BORCS7: variants seen among roughly 807,000 people sequenced by gnomAD.
BORCS7 encodes BLOC-1 related complex subunit 7, also known as BLOC-1-related complex subunit 7.
In BORCS7, 20 loss-of-function variants were observed where a neutral mutation model predicts 17.5. That is an observed-to-expected ratio of 1.14 (90% CI 0.80 to 1.66). BORCS7 has a LOEUF of 1.66. BORCS7 is among the 40% of genes most tolerant of loss of function. The pLI, the probability that BORCS7 is intolerant of heterozygous loss-of-function variation, is 0.00. For missense variants in BORCS7, 122 were observed against 129.7 expected (o/e 0.94, Z 0.29); for synonymous variants, 57 against 49.8 (o/e 1.14, Z -0.61).
intron 3 of BORCS7, chr10:102,860,825 A>G (rs1844506588): frequency 1.8e-6 from 1 of 544,142 alleles, no homozygotes; most frequent in Non-Finnish European, 3.3e-6. Context: ...GGCCCGTGCC[A>G]GGACCATGCT....
chr10:102,861,717 CA>C (rs58320339), intron 3 of BORCS7, among the ~76,000 whole-genome samples: 52,855 of 144,052 alleles, frequency 0.37, 9,379 homozygotes, highest in East Asian at 0.52. Flanking sequence ...GACTCTGTCT[CA>C]AAAAAAAAAC....
intron 4 of BORCS7, 24 bp from the exon 5 acceptor site, chr10:102,862,849 C>T (rs758844488): frequency 1.3e-6 from 2 of 1,590,794 alleles, no homozygotes; most frequent in Non-Finnish European, 1.7e-6. Context: ...TTCAGATAAA[C>T]CCTGTCTCTA....
intron 1 of BORCS7, among the ~76,000 whole-genome samples, chr10:102,855,907 G>A (rs1450443660): frequency 1.3e-5 from 2 of 152,008 alleles, no homozygotes; most frequent in African/African-American, 4.8e-5. Context: ...GATTATAGGC[G>A]CCTGCCACCA....
At chr10:102,860,302 GATT>G in intron 1 of BORCS7, 27 bp from the exon 2 acceptor site, 1 of 1,604,206 alleles carries the variant, frequency 6.2e-7, no homozygotes, top group Middle Eastern at 1.7e-4. Flanking sequence ...TGGGAATTTT[GATT>G]ATTACCATTT....
In BORCS7 at chr10:102,862,994, C is replaced by G; in HGVS notation, c.*70C>G. ...GGAGTAAATACCTTACACAGCTGTCCTCTGGGTTTGGTTTTCTATTTTCTT... is the reference window on the plus strand; with the variant it reads ...GGAGTAAATACCTTACACAGCTGTCGTCTGGGTTTGGTTTTCTATTTTCTT... On this transcript the variant is annotated 3_prime_UTR_variant, in exon 5 of 5. Coordinates refer to ENST00000339834, the MANE Select transcript of BORCS7 (RefSeq NM_001136200.2). 1 of 1,357,096 alleles carries G rather than the reference C, an allele frequency of 7.4e-7. No homozygotes were observed. Among genetic ancestry groups the G allele is most frequent in the Non-Finnish European group, 1.1e-6 (1 of 950,476 alleles). The allele number at this position is 1,357,096 out of a possible 1,614,324, so 84.1% of individuals were successfully genotyped here. A position where few individuals can be genotyped will look rare whatever the true frequency, so the allele number is the denominator to read the frequency against.
rs779459540 is a variant in BORCS7 at position 102,862,918 on chromosome 10, G to A, written c.315G>A (p.Leu105=). 9 of 1,608,638 alleles carry A rather than the reference G, an allele frequency of 5.6e-6. No individual in the cohort carries two copies. The highest frequency in any genetic ancestry group is 7.7e-6 in the Non-Finnish European group (9 of 1,174,960). ...SDLQDQLNHL[L]K ...TACAGGACCAGTTGAATCATCTGTT[G>A]AAATAGAATGACATGTAAGAGTGCT... The change falls in exon 5 of 5, where the codon TTG becomes TTA. Residue 105 remains leucine (L), a synonymous_variant. Coordinates refer to ENST00000339834, the MANE Select transcript of BORCS7 (RefSeq NM_001136200.2).
intron 1 of BORCS7, among the ~76,000 whole-genome samples, chr10:102,855,195 T>G (rs1371881066): frequency 6.7e-6 from 1 of 148,710 alleles, no homozygotes; most frequent in Non-Finnish European, 1.5e-5. Context: ...AGTCTAGCTC[T>G]GTCGCCAGGC....
At position 102,854,291 on chromosome 10, in the gene BORCS7, T is replaced by C. The variant is rs1213963865; in HGVS notation, c.5T>C (p.Met2Thr). Residue 2 changes from methionine to threonine, a missense_variant, in exon 1 of 5, where the codon ATG (methionine) becomes ACG (threonine). By Grantham distance (81) the Met-to-Thr change is moderately conservative. Coordinates refer to ENST00000339834, the MANE Select transcript of BORCS7 (RefSeq NM_001136200.2). M[M>T]ATGTPESQAR... ...CGCAACCGTTCGCTAACTGAAATGA[T>C]GGCGACTGGAACGCCAGAGTCTCAA... 2 of 1,606,150 alleles carry C rather than the reference T, an allele frequency of 1.2e-6. No homozygotes were observed. The highest frequency in any genetic ancestry group is 1.7e-6 in the Non-Finnish European group (2 of 1,176,500).
At position 102,864,482 on chromosome 10, in the gene BORCS7, A is replaced by G. The variant is rs1367722746; in HGVS notation, c.*1558A>G. 1 of 152,194 alleles carries G rather than the reference A, an allele frequency of 6.6e-6. No individual in the cohort carries two copies. Among genetic ancestry groups the G allele is most frequent in the African/African-American group, 2.4e-5 (1 of 41,454 alleles). 9.4% of individuals were successfully genotyped at this position (152,194 alleles called of 1,614,324 possible). On this transcript the variant is annotated 3_prime_UTR_variant, in exon 5 of 5. Transcript: ENST00000339834. ...ATTACAAGAAGCAAAGAAATACTTA[A>G]GTTAGAAAAAAATTAAAATGAAGGG...
intron 1 of BORCS7, among the ~76,000 whole-genome samples, chr10:102,855,861 A>G (rs1844418767): frequency 6.6e-6 from 1 of 152,166 alleles, no homozygotes; most frequent in East Asian, 1.9e-4. Context: ...TCCTGGGTTC[A>G]AGCGATTCTC....
intron 4 of BORCS7, among the ~76,000 whole-genome samples, 183 bp downstream of exon 4, chr10:102,862,363 A>G (rs1253663798): frequency 6.6e-6 from 1 of 152,134 alleles, no homozygotes; most frequent in Non-Finnish European, 1.5e-5. Context: ...CAGTAACTCA[A>G]CTCACTGCTA....
intron 3 of BORCS7, 129 bp downstream of exon 3, chr10:102,860,670 G>T: frequency 2.1e-6 from 2 of 945,134 alleles, no homozygotes; most frequent in South Asian, 2.8e-5. Context: ...GGCCAAGGAT[G>T]ACTTTCTCGA....
In BORCS7 at chr10:102,863,574, CA is replaced by C. The variant is rs1844553675; in HGVS notation, c.*653del. On this transcript the variant is annotated 3_prime_UTR_variant, in exon 5 of 5. Transcript: ENST00000339834. ...TATTGTCTAAATTTCAGTACTTAAG[CA>C]AATACTGAGTAGTGTTTTAAATTCA... is the stretch of plus-strand genomic sequence containing the variant. The C allele has an allele frequency of 6.6e-6, 1 of 152,094 alleles. No individual in the cohort carries two copies. Among genetic ancestry groups the C allele is most frequent in the Admixed American group, 6.5e-5 (1 of 15,268 alleles). The allele number at this position is 152,094 out of a possible 1,614,324, so 9.4% of individuals were successfully genotyped here. A position where few individuals can be genotyped will look rare whatever the true frequency, so the allele number is the denominator to read the frequency against.
chr10:102,859,683 A>G (rs929343239), intron 1 of BORCS7, among the ~76,000 whole-genome samples: 4 of 150,560 alleles, frequency 2.7e-5, no homozygotes, highest in African/African-American at 9.8e-5. Context: ...CTCCCACCTC[A>G]GCCTCCCAAG....
chr10:102,861,881 A>G (rs1272515272), intron 3 of BORCS7, among the ~76,000 whole-genome samples: 3 of 152,192 alleles, frequency 2.0e-5, no homozygotes, highest in African/African-American at 7.2e-5. Flanking sequence ...ATTTGATTCC[A>G]TATACACAGA....
chr10:102,857,116 C>A (rs1844439552), intron 1 of BORCS7, among the ~76,000 whole-genome samples: 1 of 152,148 alleles, frequency 6.6e-6, no homozygotes, highest in Non-Finnish European at 1.5e-5. Context: ...GAAGTCACTT[C>A]TTTTAGGGAC....
chr10:102,854,305 C>G lies in BORCS7; in HGVS notation c.19C>G (p.Pro7Ala), dbSNP rs1170262714. Residue 7 changes from proline (P) to alanine (A), a missense_variant, in exon 1 of 5, where the codon CCA becomes GCA. By Grantham distance (27) the Pro-to-Ala change is conservative. Coordinates refer to ENST00000339834, the MANE Select transcript of BORCS7 (RefSeq NM_001136200.2). MMATGTPESQARFGQSV... is the reference protein window; with the variant it reads MMATGTAESQARFGQSV... ...AACTGAAATGATGGCGACTGGAACG[C>G]CAGAGTCTCAAGCGCGGTTCGGTCA... 1.2e-6 allele frequency: 2 copies of G among 1,605,478 alleles called. No homozygotes were observed. The highest frequency in any genetic ancestry group is 1.3e-5 in the African/African-American group (1 of 74,848).
chr10:102,860,424 T>C, intron 2 of BORCS7, 30 bp downstream of exon 2: 3 of 1,611,756 alleles, frequency 1.9e-6, no homozygotes, highest in Non-Finnish European at 1.7e-6. Context: ...TTTAATGATT[T>C]GGGTTTATGT....
At position 102,863,196 on chromosome 10, in the gene BORCS7, G is replaced by C. The variant is rs10883788; in HGVS notation, c.*272G>C. On this transcript the variant is annotated 3_prime_UTR_variant, in exon 5 of 5. Transcript: ENST00000339834. ...TAAAAATACAAAGAATTAGCTGGGC[G>C]TGGTGGCGGGCGCCTGTAATCCCAG... The C allele has an allele frequency of 1.9e-5, 5 of 264,060 alleles. No individual in the cohort carries two copies. The South Asian group carries it at 2.7e-4, about 15-fold the overall frequency. The allele number at this position is 264,060 out of a possible 1,614,324, so 16.4% of individuals were successfully genotyped here.
Sources: allele counts gnomAD v4.1 joint callset (sites outside exome capture counted in the v4.1 genomes callset), GRCh38; gene constraint gnomAD v4.1.1; transcripts MANE v1.5; gene names NCBI Gene and HGNC (gene_info 2026-07-23, HGNC 2026-07-21).